CDH4: variants seen among roughly 807,000 people sequenced by gnomAD.
CDH4 encodes cadherin 4, also known as cadherin-4.
Under a neutral mutation model 86.0 loss-of-function variants are expected in CDH4, and 33 were observed. The ratio of observed to expected loss-of-function variants is 0.38; its 90% CI spans 0.29 to 0.51. The LOEUF (loss-of-function observed/expected upper bound fraction) is 0.51. Among genes scored for constraint, CDH4 ranks in the 20% least tolerant of loss-of-function variants. CDH4 has a pLI of 0.86. For synonymous variants in CDH4, 555 were observed against 549.4 expected (o/e 1.01, Z -0.14); for missense variants, 1,114 against 1,307.4 (o/e 0.85, Z 2.28).
At position 61,694,771 on chromosome 20, in the gene CDH4, G is replaced by A. The variant is rs142347394; in HGVS notation, c.170-48792G>A. Among the ~76,000 whole-genome samples the A allele has an allele frequency of 5.9e-3, 900 of 152,334 alleles. 8 individuals carry two copies. Among genetic ancestry groups the A allele is most frequent in the African/African-American group, 0.017 (698 of 41,568 alleles). Reference sequence around the variant, plus strand: ...GAAGCCACTCCTGTCTCCTGGCACCGTGAAGAGGAGATTAGCAGGCGGTTT... The same window carrying A: ...GAAGCCACTCCTGTCTCCTGGCACCATGAAGAGGAGATTAGCAGGCGGTTT... On this transcript the variant is annotated intron_variant, in intron 2 of 15. Transcript: ENST00000614565.
intron 2 of CDH4, among the ~76,000 whole-genome samples, chr20:61,622,560 C>G (rs980831299): frequency 1.3e-5 from 2 of 152,272 alleles, no homozygotes; most frequent in South Asian, 2.1e-4. Flanking sequence ...TGCCCCAGCA[C>G]AGTAGCCTCC....
chr20:61,790,742 C>G (rs1266957933), intron 4 of CDH4, among the ~76,000 whole-genome samples: 2 of 150,200 alleles, frequency 1.3e-5, no homozygotes, highest in Non-Finnish European at 3.0e-5. Context: ...CCTTTCATCT[C>G]TCCATCCATT....
chr20:61,508,493 A>AAG (rs1485173302), intron 2 of CDH4, among the ~76,000 whole-genome samples: 2 of 152,190 alleles, frequency 1.3e-5, no homozygotes, highest in African/African-American at 4.8e-5. Context: ...TTGGGTTGGG[A>AAG]AGGCCCCCTC....
Position 61,575,154 on chromosome 20 carries a change from A to C in CDH4, c.170-168409A>C, listed in dbSNP as rs2086373151. On this transcript the variant is annotated intron_variant, in intron 2 of 15. Coordinates refer to ENST00000614565, the MANE Select transcript of CDH4 (RefSeq NM_001794.5). The stretch of plus-strand genomic sequence containing the variant: ...AGAGAAATCCAGGGTCAGCTTCAGG[A>C]GCAGCTTGATCCAGAGGCTGAAGCC... Among the ~76,000 whole-genome samples, 3 of 152,320 alleles carry C rather than the reference A, an allele frequency of 2.0e-5. No homozygotes were observed. In the South Asian group the frequency reaches 6.2e-4, roughly 32 times the overall value.
At chr20:61,569,098 A>G (rs2086322716) in intron 2 of CDH4, among the ~76,000 whole-genome samples, 1 of 152,136 alleles carries the variant, frequency 6.6e-6, no homozygotes, top group Non-Finnish European at 1.5e-5. Context: ...TGGGGTTCAA[A>G]TCCTGGCCGC....
At position 61,518,799 on chromosome 20, in the gene CDH4, C is replaced by G. The variant is rs1261971133; in HGVS notation, c.170-224764C>G. Among the ~76,000 whole-genome samples the G allele has an allele frequency of 6.6e-6, 1 of 151,486 alleles. No individual in the cohort carries two copies. The highest frequency in any genetic ancestry group is 6.6e-5 in the Admixed American group (1 of 15,218). On this transcript the variant is annotated intron_variant, in intron 2 of 15. Coordinates refer to ENST00000614565, the MANE Select transcript of CDH4 (RefSeq NM_001794.5). The surrounding 1 kb of genome is among the most constrained non-coding windows in gnomAD (Gnocchi z 6.3). The stretch of plus-strand genomic sequence containing the variant: ...ATCCTTTCATCCATCATTCATTCAT[C>G]CATCCACCCATCATCCATCCATTAA...
At chr20:61,593,585 T>C (rs983225376) in intron 2 of CDH4, among the ~76,000 whole-genome samples, 9 of 152,224 alleles carry the variant, frequency 5.9e-5, no homozygotes, top group African/African-American at 1.9e-4. Context: ...TAGTAGATTT[T>C]TCAGAATGAG....
At chr20:61,457,462 A>G (rs1358524489) in intron 2 of CDH4, among the ~76,000 whole-genome samples, 1 of 152,226 alleles carries the variant, frequency 6.6e-6, no homozygotes, top group Non-Finnish European at 1.5e-5. Context: ...GATGTGAGTG[A>G]CAGTGGCAGG....
chr20:61,934,529 C>G (rs1380019828), intron 15 of CDH4, among the ~76,000 whole-genome samples: 1 of 152,230 alleles, frequency 6.6e-6, no homozygotes, highest in African/African-American at 2.4e-5. Context: ...GCGCCAGTAG[C>G]AAGCACAGGC....
rs146107541 is a variant in CDH4, at chr20:61,506,816, G to C, written c.170-236747G>C. On this transcript the variant is annotated intron_variant, in intron 2 of 15. Transcript: ENST00000614565. The stretch of plus-strand genomic sequence containing the variant: ...GGATGGGAACTGCTGGGAGAAAGGA[G>C]AGGCTGCAGGGTGGTGCTGGGTAGG... Among the ~76,000 whole-genome samples, 6 of 152,320 alleles carry C rather than the reference G, an allele frequency of 3.9e-5. No individual in the cohort carries two copies. In the East Asian group the frequency reaches 1.2e-3, roughly 29 times the overall value.
intron 7 of CDH4, among the ~76,000 whole-genome samples, chr20:61,878,455 T>C (rs1984138654): frequency 6.6e-6 from 1 of 152,226 alleles, no homozygotes; most frequent in Admixed American, 6.5e-5. Flanking sequence ...TCCACGTTAT[T>C]TTCCTTGTGC....
intron 5 of CDH4, among the ~76,000 whole-genome samples, chr20:61,845,273 A>G (rs1450534842): frequency 2.6e-5 from 4 of 152,268 alleles, no homozygotes; most frequent in Admixed American, 2.0e-4. Context: ...GGCTGGGACA[A>G]TAGTCCTGCA....
At chr20:61,785,222 T>C (rs1557187) in intron 4 of CDH4, among the ~76,000 whole-genome samples, 50,950 of 151,984 alleles carry the variant, frequency 0.34, 8,665 homozygotes, top group East Asian at 0.39. Flanking sequence ...CTGGCCATGC[T>C]TCACCATCTC....
chr20:61,909,753 C>T (rs896445134), intron 8 of CDH4, among the ~76,000 whole-genome samples: 1 of 152,220 alleles, frequency 6.6e-6, no homozygotes, highest in East Asian at 1.9e-4. Context: ...AGAAAAATCT[C>T]CCCAGCTCAG....
At chr20:61,661,171 C>T (rs1209789166) in intron 2 of CDH4, among the ~76,000 whole-genome samples, 9 of 151,452 alleles carry the variant, frequency 5.9e-5, no homozygotes, top group Non-Finnish European at 1.3e-4. Context: ...CCCCAAGCTC[C>T]ACCTGGGAAG....
chr20:61,768,922 A>G (rs565926880), intron 3 of CDH4, among the ~76,000 whole-genome samples: 20 of 152,364 alleles, frequency 1.3e-4, no homozygotes, highest in African/African-American at 4.8e-4. Context: ...GCTGTATGGA[A>G]ACCCTTTAAA....
At chr20:61,465,734 T>G (rs1230174331) in intron 2 of CDH4, among the ~76,000 whole-genome samples, 1 of 152,202 alleles carries the variant, frequency 6.6e-6, no homozygotes, top group Non-Finnish European at 1.5e-5. Flanking sequence ...TCTTCATTTG[T>G]GGGCAAGTTT....
intron 2 of CDH4, among the ~76,000 whole-genome samples, chr20:61,291,512 G>A (rs1178953659): frequency 6.6e-6 from 1 of 152,222 alleles, no homozygotes; most frequent in African/African-American, 2.4e-5. Flanking sequence ...CCAGAGTAAG[G>A]GGGGATAATG....
intron 2 of CDH4, among the ~76,000 whole-genome samples, chr20:61,538,843 G>A (rs982007991): frequency 6.6e-6 from 1 of 152,238 alleles, no homozygotes; most frequent in South Asian, 2.1e-4. Flanking sequence ...CAGGCATGGG[G>A]CTGGGCGGAA....
Sources: gnomAD v4.1 joint callset for allele counts (sites outside exome capture counted in the v4.1 genomes callset) on GRCh38, gnomAD v4.1.1 for gene constraint, Gnocchi (gnomAD v3.1) non-coding constraint, MANE v1.5 for transcripts, NCBI Gene and HGNC (gene_info 2026-07-23, HGNC 2026-07-21) for gene names.